The following RABGAP1L variants were observed in gnomAD, a reference collection of about 807,000 sequenced individuals.
RABGAP1L encodes RAB GTPase activating protein 1 like.
A neutral mutation model predicts 137.7 loss-of-function variants in RABGAP1L; 63 were observed. The ratio of observed to expected loss-of-function variants is 0.46; its 90% CI spans 0.37 to 0.56. The LOEUF (loss-of-function observed/expected upper bound fraction) is 0.56, where lower values mean the gene tolerates loss of function less well. Among genes scored for constraint, RABGAP1L ranks in the 20% least tolerant of loss-of-function variants. RABGAP1L has a pLI of 0.00. For synonymous variants in RABGAP1L, 431 were observed against 433.7 expected, an observed-to-expected ratio of 0.99 and a Z score of 0.08; for missense variants, 1,095 against 1,244.0, an observed-to-expected ratio of 0.88 and a Z score of 1.80.
At chr1:174,879,099 T>G (rs1158712465) in intron 19 of RABGAP1L, among the ~76,000 whole-genome samples, 2 of 147,880 alleles carry the variant, frequency 1.4e-5, no homozygotes, top group South Asian at 2.2e-4. Flanking sequence ...CACGCCTGGC[T>G]GTTTTTTTTT....
chr1:174,677,027 G>A (rs1452237070), intron 14 of RABGAP1L, among the ~76,000 whole-genome samples: 1 of 152,056 alleles, frequency 6.6e-6, no homozygotes. Context: ...TACGGCATAA[G>A]TATCAGGGAA....
chr1:174,259,304 C>T (rs569931767), intron 7 of RABGAP1L, among the ~76,000 whole-genome samples: 1 of 152,258 alleles, frequency 6.6e-6, no homozygotes, highest in Non-Finnish European at 1.5e-5. Context: ...TAGCTACTTA[C>T]TCCTTACTTA....
chr1:174,797,121 T>C (rs1015562599), intron 18 of RABGAP1L, among the ~76,000 whole-genome samples: 3 of 152,188 alleles, frequency 2.0e-5, no homozygotes, highest in Admixed American at 1.3e-4. Context: ...TTTTGATTAA[T>C]TTTTACTTAT....
intron 11 of RABGAP1L, among the ~76,000 whole-genome samples, chr1:174,315,195 G>T (rs903260768): frequency 6.6e-6 from 1 of 152,060 alleles, no homozygotes; most frequent in East Asian, 1.9e-4. Context: ...ATTTAAAATT[G>T]TTGTATCTTT....
Position 174,370,964 on chromosome 1 carries a change from G to T in RABGAP1L, c.1466-15G>T. ...TATAAAATAATGTTTGTTGGTTTTT[G>T]CGTTTCTTCTGCAGAGAGTGATAAT... On this transcript the variant is annotated splice_polypyrimidine_tract_variant and intron_variant, in intron 11 of 25. Coordinates refer to ENST00000681986, the MANE Select transcript of RABGAP1L (RefSeq NM_001366446.1). 1 of 1,377,618 alleles carries T rather than the reference G, an allele frequency of 7.3e-7. No homozygotes were observed. The highest frequency in any genetic ancestry group is 9.9e-7 in the Non-Finnish European group (1 of 1,012,898). 85.3% of individuals were successfully genotyped at this position (1,377,618 alleles called of 1,614,324 possible). A position where few individuals can be genotyped will look rare whatever the true frequency, so the allele number is the denominator to read the frequency against.
chr1:174,269,645 C>T (rs1453079487), intron 7 of RABGAP1L, among the ~76,000 whole-genome samples: 3 of 152,194 alleles, frequency 2.0e-5, no homozygotes, highest in Non-Finnish European at 4.4e-5. Context: ...ATAGCATCAT[C>T]AGCTCATTCT....
intron 18 of RABGAP1L, among the ~76,000 whole-genome samples, chr1:174,807,800 T>G (rs1689456859): frequency 6.6e-6 from 1 of 151,950 alleles, no homozygotes; most frequent in Non-Finnish European, 1.5e-5. Context: ...TTTATGGAAT[T>G]AAAAATATCA....
At chr1:174,699,675 T>C (rs2148517674) in intron 16 of RABGAP1L, 25 bp downstream of exon 16, 1 of 1,575,586 alleles carries the variant, frequency 6.3e-7, no homozygotes. Flanking sequence ...GGAACTTTTA[T>C]CACTCAGGGA....
At chr1:174,939,593 A>G (rs1665501005) in intron 19 of RABGAP1L, among the ~76,000 whole-genome samples, 1 of 152,060 alleles carries the variant, frequency 6.6e-6, no homozygotes, top group Non-Finnish European at 1.5e-5. Flanking sequence ...GATTTAGGGA[A>G]TGCTCCAATT....
chr1:174,539,928 A>G (rs746734897), intron 13 of RABGAP1L, among the ~76,000 whole-genome samples: 5 of 152,062 alleles, frequency 3.3e-5, no homozygotes, highest in Admixed American at 1.3e-4. Context: ...AAGTTTTCCT[A>G]TTTCTCCACA....
At chr1:174,439,029 T>C (rs1376496862) in intron 13 of RABGAP1L, among the ~76,000 whole-genome samples, 1 of 151,732 alleles carries the variant, frequency 6.6e-6, no homozygotes, top group Non-Finnish European at 1.5e-5. Context: ...TGCACAATTA[T>C]ATCTTCCTTT....
intron 1 of RABGAP1L, among the ~76,000 whole-genome samples, chr1:174,212,218 G>A (rs4607949): frequency 0.37 from 56,238 of 151,754 alleles, 12,712 homozygotes; most frequent in African/African-American, 0.63. Flanking sequence ...AGGATAGACC[G>A]TACTTAGGTC....
At chr1:174,237,158 G>C (rs1671273557) in intron 4 of RABGAP1L, among the ~76,000 whole-genome samples, 1 of 151,698 alleles carries the variant, frequency 6.6e-6, no homozygotes, top group Non-Finnish European at 1.5e-5. Context: ...TTGAGCCTAT[G>C]TGTGTCTCTG....
At chr1:174,505,146 G>C (rs1661700751) in intron 13 of RABGAP1L, among the ~76,000 whole-genome samples, 1 of 152,156 alleles carries the variant, frequency 6.6e-6, no homozygotes, top group African/African-American at 2.4e-5. Flanking sequence ...TATCTTTACA[G>C]ATTTGGCAGT....
intron 19 of RABGAP1L, among the ~76,000 whole-genome samples, chr1:174,882,692 A>G (rs1026694365): frequency 1.4e-4 from 22 of 152,330 alleles, no homozygotes; most frequent in African/African-American, 4.8e-4. Context: ...ATAAGAAAAA[A>G]CAATAAGGAA....
At chr1:174,409,837 G>C (rs567457372) in intron 13 of RABGAP1L, among the ~76,000 whole-genome samples, 8 of 152,318 alleles carry the variant, frequency 5.3e-5, no homozygotes, top group African/African-American at 1.9e-4. Flanking sequence ...TTTGAGGTCA[G>C]ACTGGTTCTC....
chr1:174,513,939 G>T (rs10912800), intron 13 of RABGAP1L, among the ~76,000 whole-genome samples: 58,913 of 151,920 alleles, frequency 0.39, 14,356 homozygotes, highest in African/African-American at 0.69. Context: ...ACAAAATCGT[G>T]ATTACTTTGG....
chr1:174,548,143 A>G (rs1666172455), intron 13 of RABGAP1L: 2 of 1,497,416 alleles, frequency 1.3e-6, no homozygotes, highest in Non-Finnish European at 1.8e-6. Flanking sequence ...ATCATTTCCC[A>G]GGTTGATGTT....
intron 10 of RABGAP1L, among the ~76,000 whole-genome samples, chr1:174,284,409 A>T (rs1675869174): frequency 6.6e-6 from 1 of 152,192 alleles, no homozygotes; most frequent in African/African-American, 2.4e-5. Flanking sequence ...TGTTACTGCA[A>T]ATGGCAGAAT....
Sources: gnomAD v4.1 joint callset for allele counts (sites outside exome capture counted in the v4.1 genomes callset) on GRCh38, gnomAD v4.1.1 for gene constraint, MANE v1.5 for transcripts, NCBI Gene and HGNC (gene_info 2026-07-23, HGNC 2026-07-21) for gene names.